DCLK1: variants seen among roughly 807,000 people sequenced by gnomAD.
DCLK1 encodes serine/threonine-protein kinase DCLK1.
In DCLK1, 16 loss-of-function variants were observed where a neutral mutation model predicts 86.2. The observed-to-expected ratio is 0.19, with a 90% CI of 0.13 to 0.28. DCLK1 has a LOEUF of 0.28. Ranked by LOEUF, DCLK1 falls within the 10% of genes least tolerant of loss-of-function variation. The pLI is 1.00. For missense variants in DCLK1, 590 were observed against 940.2 expected (o/e 0.63, Z 4.87); for synonymous variants, 369 against 370.5 (o/e 1.00, Z 0.05).
chr13:35,789,056 T>C (rs2086666290), intron 16 of DCLK1, among the ~76,000 whole-genome samples: 1 of 152,158 alleles, frequency 6.6e-6, no homozygotes, highest in Non-Finnish European at 1.5e-5. Context: ...CTCAAAGTTG[T>C]TCATCCTGGA....
rs191448808 is a variant in DCLK1, at chr13:35,850,995, T to C, written c.1035+3504A>G. Among the ~76,000 whole-genome samples the C allele has an allele frequency of 1.2e-4, 19 of 152,332 alleles. No individual in the cohort carries two copies. In the East Asian group the frequency reaches 2.7e-3, roughly 22 times the overall value. ...TTATTGGCAAGAAAATGCCTCTTGG[T>C]CTACTCATAATCTTTTGCCTTCCTT... On this transcript the variant is annotated intron_variant, in intron 6 of 16. Coordinates refer to ENST00000360631, the MANE Select transcript of DCLK1 (RefSeq NM_001330071.2).
chr13:35,833,863 T>G (rs1869155964), intron 8 of DCLK1, among the ~76,000 whole-genome samples: 1 of 152,242 alleles, frequency 6.6e-6, no homozygotes, highest in Non-Finnish European at 1.5e-5. Context: ...AGCCGAATAC[T>G]AACTTCATGG....
At chr13:35,797,824 C>T (rs1474342172) in intron 15 of DCLK1, among the ~76,000 whole-genome samples, 4 of 152,104 alleles carry the variant, frequency 2.6e-5, no homozygotes, top group Non-Finnish European at 4.4e-5. Flanking sequence ...AGAGATTTAG[C>T]TAACTTACTG....
intron 15 of DCLK1, among the ~76,000 whole-genome samples, chr13:35,794,621 G>C (rs1190085783): frequency 6.6e-6 from 1 of 152,190 alleles, no homozygotes; most frequent in East Asian, 1.9e-4. Flanking sequence ...TACAGTACGT[G>C]GGGGAGAAAC....
intron 2 of DCLK1, among the ~76,000 whole-genome samples, chr13:36,117,833 C>G (rs1885843129): frequency 6.6e-6 from 1 of 152,056 alleles, no homozygotes; most frequent in South Asian, 2.1e-4. Context: ...GATTCCACCA[C>G]AAGGCAGTAA....
At chr13:35,891,280 CAGAG>C (rs1223473696) in intron 4 of DCLK1, among the ~76,000 whole-genome samples, 1 of 151,958 alleles carries the variant, frequency 6.6e-6, no homozygotes, top group Non-Finnish European at 1.5e-5. Context: ...AAACAGTTGA[CAGAG>C]AGCCAAGCTG....
chr13:35,782,946 C>CAT (rs1446099735), intron 16 of DCLK1, among the ~76,000 whole-genome samples: 42 of 152,328 alleles, frequency 2.8e-4, no homozygotes, highest in African/African-American at 9.9e-4. Context: ...CAAAGGCAGC[C>CAT]ATAGACAGTT....
At chr13:35,811,257 T>C (rs1216069625) in intron 11 of DCLK1, among the ~76,000 whole-genome samples, 1 of 152,118 alleles carries the variant, frequency 6.6e-6, no homozygotes, top group Non-Finnish European at 1.5e-5. Context: ...TTTATAGTTA[T>C]TGAATTATGT....
intron 10 of DCLK1, among the ~76,000 whole-genome samples, chr13:35,824,196 A>C (rs2087466429): frequency 6.6e-6 from 1 of 152,126 alleles, no homozygotes; most frequent in Admixed American, 6.5e-5. Flanking sequence ...TTTTAATAAG[A>C]GATAAGGTCT....
chr13:36,012,324 G>A (rs569456244), intron 3 of DCLK1, among the ~76,000 whole-genome samples: 1 of 151,548 alleles, frequency 6.6e-6, no homozygotes, highest in African/African-American at 2.4e-5. Context: ...TCCTAGTCTC[G>A]ATGGTCTTTA....
chr13:35,848,488 T>G (rs1266113399), intron 6 of DCLK1: 1 of 985,188 alleles, frequency 1.0e-6, no homozygotes, highest in African/African-American at 1.7e-5. Flanking sequence ...TTCAAGAGAT[T>G]AAATGCTGTG....
chr13:35,832,360 T>G (rs541101298), intron 8 of DCLK1, among the ~76,000 whole-genome samples: 1 of 152,288 alleles, frequency 6.6e-6, no homozygotes, highest in East Asian at 1.9e-4. Context: ...GCTAACATGG[T>G]TTCTCTTGTT....
At chr13:36,082,110 T>C (rs368493613) in intron 3 of DCLK1, among the ~76,000 whole-genome samples, 19 of 152,164 alleles carry the variant, frequency 1.2e-4, no homozygotes, top group East Asian at 1.2e-3. Flanking sequence ...TTTTTTTCAA[T>C]AGAAATTATG....
intron 4 of DCLK1, among the ~76,000 whole-genome samples, chr13:35,941,078 A>C (rs1877054249): frequency 6.6e-6 from 1 of 152,216 alleles, no homozygotes; most frequent in Non-Finnish European, 1.5e-5. Context: ...TGTAGAGACC[A>C]CACAGAAAGT....
chr13:35,872,327 A>C (rs528017934), intron 4 of DCLK1, among the ~76,000 whole-genome samples: 39 of 152,360 alleles, frequency 2.6e-4, no homozygotes, highest in African/African-American at 9.4e-4. Flanking sequence ...TATATATTTC[A>C]GCATTAGGAT....
In DCLK1 at chr13:35,805,547, C is replaced by T. The variant is rs1566541812; in HGVS notation, c.1944+152G>A. 1.5e-5 allele frequency: 10 copies of T among 679,936 alleles called. No individual in the cohort carries two copies. In the South Asian group the frequency reaches 2.1e-4, roughly 14 times the overall value. 42.1% of individuals were successfully genotyped at this position (679,936 alleles called of 1,614,324 possible). A position where few individuals can be genotyped will look rare whatever the true frequency, so the allele number is the denominator to read the frequency against. On this transcript the variant is annotated intron_variant, in intron 15 of 16. Coordinates refer to ENST00000360631, the MANE Select transcript of DCLK1 (RefSeq NM_001330071.2). ...CTCCTGAGCTCAGGCAATCCACCCA[C>T]CTCGGCCTCCCAAAGGGCTGAGATT...
chr13:36,064,184 G>A (rs558336274), intron 3 of DCLK1, among the ~76,000 whole-genome samples: 11 of 152,258 alleles, frequency 7.2e-5, no homozygotes, highest in African/African-American at 2.4e-4. Context: ...AACACATCAG[G>A]CAAAATGAAG....
At chr13:36,129,295 GA>G (rs1212088452) in intron 1 of DCLK1, among the ~76,000 whole-genome samples, 2 of 152,094 alleles carry the variant, frequency 1.3e-5, no homozygotes, top group East Asian at 3.8e-4. Flanking sequence ...CACACCAGAT[GA>G]AAAAAGAAGA....
intron 3 of DCLK1, among the ~76,000 whole-genome samples, chr13:36,101,275 C>A (rs114339286): frequency 6.6e-6 from 1 of 152,202 alleles, no homozygotes; most frequent in African/African-American, 2.4e-5. Context: ...CTTTAACCTA[C>A]GTTTATTCTC....
Sources: gnomAD v4.1 joint callset for allele counts (sites outside exome capture counted in the v4.1 genomes callset) on GRCh38, gnomAD v4.1.1 for gene constraint, MANE v1.5 for transcripts, NCBI Gene and HGNC (gene_info 2026-07-23, HGNC 2026-07-21) for gene names.